EMC1: variants seen among roughly 807,000 people sequenced by gnomAD.
EMC1 encodes KIAA0090.
A neutral mutation model predicts 128.8 loss-of-function variants in EMC1; 103 were observed. That is an observed-to-expected ratio of 0.80 (90% CI 0.68 to 0.94). The LOEUF is 0.94. Ranked by LOEUF, EMC1 falls within the 40% of genes least tolerant of loss-of-function variation. The pLI is 0.00. For missense variants in EMC1, 1,083 were observed against 1,250.6 expected (o/e 0.87, Z 2.02); for synonymous variants, 442 against 490.4 (o/e 0.90, Z 1.30).
At chr1:19,222,601 C>T (rs372744180) in intron 20 of EMC1, 23 bp downstream of exon 20, 1 of 1,610,078 alleles carries the variant, frequency 6.2e-7, no homozygotes, top group Non-Finnish European at 8.5e-7. Flanking sequence ...CCCAGCCATC[C>T]CAGAGGCTCC....
chr1:19,231,202 C>A, intron 16 of EMC1, 59 bp downstream of exon 16: 1 of 1,531,460 alleles, frequency 6.5e-7, no homozygotes, highest in South Asian at 1.3e-5. Flanking sequence ...CTGTGTTTGA[C>A]CACCTGGCCC....
intron 3 of EMC1, 68 bp from the exon 4 acceptor site, chr1:19,243,775 G>T (rs1336526051): frequency 6.6e-7 from 1 of 1,519,144 alleles, no homozygotes; most frequent in African/African-American, 1.4e-5. Flanking sequence ...GTCCCACTGT[G>T]AGCAGTGGCC....
chr1:19,220,687 G>A (rs1176446802), intron 21 of EMC1, 77 bp downstream of exon 21: 3 of 1,227,750 alleles, frequency 2.4e-6, no homozygotes, highest in African/African-American at 1.5e-5. Context: ...GGCACACAGA[G>A]ACCAAGAACC....
Position 19,218,995 on chromosome 1 carries a change from C to A in EMC1, c.*308G>T, listed in dbSNP as rs1571963039. 1 of 237,196 alleles carries A rather than the reference C, an allele frequency of 4.2e-6. No homozygotes were observed. Among genetic ancestry groups the A allele is most frequent in the East Asian group, 8.2e-5 (1 of 12,212 alleles). 14.7% of individuals were successfully genotyped at this position (237,196 alleles called of 1,614,324 possible). ...CAGCCGGAATTCTTATTAAAAAAAACAAAACAGAACATTCATGGATGGGCA... is the reference window on the plus strand; with the variant it reads ...CAGCCGGAATTCTTATTAAAAAAAAAAAAACAGAACATTCATGGATGGGCA... On this transcript the variant is annotated 3_prime_UTR_variant, in exon 23 of 23. Coordinates refer to ENST00000477853, the MANE Select transcript of EMC1 (RefSeq NM_015047.3).
At chr1:19,220,358 T>A (rs1359857397) in intron 21 of EMC1, 1 of 160,928 alleles carries the variant, frequency 6.2e-6, no homozygotes, top group East Asian at 1.8e-4. Context: ...GCCTGTTCCC[T>A]CTGCCTAGAA....
chr1:19,241,258 G>A, intron 5 of EMC1, 116 bp from the exon 6 acceptor site: 1 of 1,242,854 alleles, frequency 8.0e-7, no homozygotes, highest in Non-Finnish European at 1.1e-6. Flanking sequence ...AATAGGTTTT[G>A]TTTGGCTCAC....
intron 13 of EMC1, chr1:19,234,287 T>TC: frequency 2.1e-6 from 1 of 466,168 alleles, no homozygotes; most frequent in Non-Finnish European, 2.8e-6. Context: ...GAGCAGGCCC[T>TC]CAACAGCTAT....
intron 1 of EMC1, among the ~76,000 whole-genome samples, chr1:19,246,444 T>A (rs2093632451): frequency 6.6e-6 from 1 of 151,984 alleles, no homozygotes; most frequent in Non-Finnish European, 1.5e-5. Flanking sequence ...AAGTAATGCC[T>A]CCTTATTACA....
At chr1:19,231,066 G>A in intron 16 of EMC1, 103 bp from the exon 17 acceptor site, 3 of 1,469,590 alleles carry the variant, frequency 2.0e-6, no homozygotes, top group Non-Finnish European at 1.9e-6. Flanking sequence ...CTCAGTTTAG[G>A]GTTTACATTC....
At chr1:19,239,334 T>A in intron 8 of EMC1, 32 bp from the exon 9 acceptor site, 1 of 1,600,530 alleles carries the variant, frequency 6.2e-7, no homozygotes, top group Non-Finnish European at 8.6e-7. Context: ...AGCTCCTAAA[T>A]GGGACCAGTA....
rs761451644 is a variant in EMC1, at chr1:19,238,064, T to C, written c.1165A>G (p.Thr389Ala). ...LVETGRRLLDTTITFSLEQSG... is the reference protein window; with the variant it reads ...LVETGRRLLDATITFSLEQSG... The stretch of plus-strand genomic sequence containing the variant: ...TGTTCCAGGCTAAATGTTATCGTGG[T>C]GTCCAGCAGCCGCCGACCTGTCTCC... The change falls in exon 11 of 23, where the codon ACC becomes GCC. Residue 389 changes from threonine (T) to alanine (A), a missense_variant. Around this residue, in one of 3 missense-constraint regions of EMC1, gnomAD observed 544 missense variants for 572.4 expected, o/e 0.95. Transcript: ENST00000477853. 11 of 1,614,106 alleles carry C rather than the reference T, an allele frequency of 6.8e-6. No homozygotes were observed. The highest frequency in any genetic ancestry group is 8.5e-6 in the Non-Finnish European group (10 of 1,180,020).
At chr1:19,232,319 T>G (rs2151948993) in intron 15 of EMC1, among the ~76,000 whole-genome samples, 1 of 152,268 alleles carries the variant, frequency 6.6e-6, no homozygotes, top group Middle Eastern at 3.4e-3. Flanking sequence ...CAAAAATATC[T>G]TTGTGTCCTG....
intron 2 of EMC1, 142 bp from the exon 3 acceptor site, chr1:19,244,157 G>A: frequency 1.3e-6 from 1 of 778,606 alleles, no homozygotes; most frequent in Admixed American, 2.2e-5. Flanking sequence ...AACTGGCAGT[G>A]ATCCAGTCCC....
chr1:19,234,273 T>C (rs2093546469), intron 13 of EMC1: 1 of 691,808 alleles, frequency 1.4e-6, no homozygotes, highest in Non-Finnish European at 1.8e-6. Context: ...GAGTGCCTGG[T>C]CCAGAGCAGG....
chr1:19,223,858 T>C lies in EMC1; in HGVS notation c.2203-289A>G, dbSNP rs756313280. Among the ~76,000 whole-genome samples, 7 of 152,210 alleles carry C rather than the reference T, an allele frequency of 4.6e-5. 1 individual carries two copies. The South Asian group carries it at 8.3e-4, about 18-fold the overall frequency. On this transcript the variant is annotated intron_variant, in intron 18 of 22. Coordinates refer to ENST00000477853, the MANE Select transcript of EMC1 (RefSeq NM_015047.3). Reference sequence around the variant, plus strand: ...AGTCCCAAAGTAGTTAAGCAGCTTTTCAAGTCACAGATAGCAAATGGTAAC... The same window carrying C: ...AGTCCCAAAGTAGTTAAGCAGCTTTCCAAGTCACAGATAGCAAATGGTAAC...
intron 17 of EMC1, among the ~76,000 whole-genome samples, chr1:19,227,670 C>T (rs2093486432): frequency 1.3e-5 from 2 of 152,130 alleles, no homozygotes; most frequent in Non-Finnish European, 2.9e-5. Context: ...AGTTCAAGAC[C>T]AACCTGGCCA....
chr1:19,250,388 T>C (rs2093653083), intron 1 of EMC1, among the ~76,000 whole-genome samples: 1 of 152,120 alleles, frequency 6.6e-6, no homozygotes, highest in Admixed American at 6.6e-5. Flanking sequence ...GAAAATTGCA[T>C]ATATCAAGTA....
intron 3 of EMC1, 83 bp from the exon 4 acceptor site, chr1:19,243,790 C>T (rs2093619095): frequency 6.7e-7 from 1 of 1,490,648 alleles, no homozygotes; most frequent in Non-Finnish European, 9.4e-7. Context: ...GTGGCCTCAC[C>T]TCTGATTTCT....
chr1:19,241,002 T>C lies in EMC1; in HGVS notation c.636+14A>G, dbSNP rs2093602495. 6.2e-7 allele frequency: 1 copy of C among 1,613,236 alleles called. No homozygotes were observed. The highest frequency in any genetic ancestry group is 8.5e-7 in the Non-Finnish European group (1 of 1,179,614). On this transcript the variant is annotated intron_variant, in intron 6 of 22. Coordinates refer to ENST00000477853, the MANE Select transcript of EMC1 (RefSeq NM_015047.3). ...ACCCCACCTTATTCACAGGCTCCTGTCACCCTCCTGTACCTGCTGAACAAT... is the reference window on the plus strand; with the variant it reads ...ACCCCACCTTATTCACAGGCTCCTGCCACCCTCCTGTACCTGCTGAACAAT...
Sources: allele counts gnomAD v4.1 joint callset (sites outside exome capture counted in the v4.1 genomes callset), GRCh38; gene constraint gnomAD v4.1.1; regional missense constraint gnomAD v4.1.1; transcripts MANE v1.5; gene names NCBI Gene and HGNC (gene_info 2026-07-23, HGNC 2026-07-21).